TRIM29: variants seen among roughly 807,000 people sequenced by gnomAD.
TRIM29 encodes the protein tripartite motif containing 29.
TRIM29 carries 52 observed loss-of-function variants against 57.3 expected under a neutral mutation model. That is an observed-to-expected ratio of 0.91 (90% confidence interval 0.73 to 1.14). The LOEUF (loss-of-function observed/expected upper bound fraction) is 1.14, where lower values mean the gene tolerates loss of function less well. Among genes scored for constraint, TRIM29 ranks in the 50% most tolerant of loss-of-function variants. TRIM29 has a pLI of 0.00. For missense variants in TRIM29, 753 were observed against 774.6 expected (o/e 0.97, Z 0.33); for synonymous variants, 319 against 316.9 (o/e 1.01, Z -0.07).
Position 120,125,700 on chromosome 11 carries a change from T to C in TRIM29, c.1324A>G (p.Met442Val), listed in dbSNP as rs868270978. The change falls in exon 4 of 9, where the codon ATG (methionine) becomes GTG (valine). Residue 442 changes from methionine to valine, a missense_variant. By Grantham distance (21) the Met-to-Val change is conservative. Transcript: ENST00000341846. ...ACGAGAGGGGACCTACCGTTCTCCA[T>C]GTGGTTCCTCTCAATGAAGTTACGG... ...LSRNFIERNH[M>V]ENGGDHRYVN... 1.2e-6 allele frequency: 2 copies of C among 1,614,146 alleles called. No individual in the cohort carries two copies. The highest frequency in any genetic ancestry group is 1.7e-6 in the Non-Finnish European group (2 of 1,180,024).
chr11:120,115,381 T>C lies in TRIM29; in HGVS notation c.1661A>G (p.Lys554Arg), dbSNP rs1429690478. The part of the protein sequence containing the change: ...YPSLMRSQSP[K>R]AQPQTWKSGK... ...AGATTTCCAAGTCTGGGGCTGGGCC[T>C]TGGGGCTTTGGCTCCGCATGAGGGA... Residue 554 changes from lysine to arginine, a missense_variant, in exon 8 of 9, where the codon AAG (lysine) becomes AGG (arginine). Coordinates refer to ENST00000341846, the MANE Select transcript of TRIM29 (RefSeq NM_012101.4). 5 of 1,613,786 alleles carry C rather than the reference T, an allele frequency of 3.1e-6. No individual in the cohort carries two copies. Among genetic ancestry groups the C allele is most frequent in the South Asian group, 1.1e-5 (1 of 91,022 alleles).
chr11:120,123,189 CCT>C (rs58690893), intron 4 of TRIM29, 134 bp from the exon 5 acceptor site: 670,550 of 742,240 alleles, frequency 0.9, 303,618 homozygotes, highest in African/African-American at 0.98. Flanking sequence ...GTTTCCCCAA[CCT>C]CTCAGAGAAT....
At position 120,126,044 on chromosome 11, in the gene TRIM29, G is replaced by A. The variant is rs181485427; in HGVS notation, c.1135-155C>T. The A allele has an allele frequency of 5.9e-4, 454 of 771,862 alleles. 2 individuals carry two copies. Among genetic ancestry groups the A allele is most frequent in the Non-Finnish European group, 7.8e-4 (384 of 494,898 alleles). 47.8% of individuals were successfully genotyped at this position (771,862 alleles called of 1,614,324 possible). The stretch of plus-strand genomic sequence containing the variant: ...TTTGTTTCTTCTGTAACATGAAAAG[G>A]TTCAACTAAAAGCCACTGGATGCTA... On this transcript the variant is annotated intron_variant, in intron 3 of 8. Coordinates refer to ENST00000341846, the MANE Select transcript of TRIM29 (RefSeq NM_012101.4).
At chr11:120,123,197 AG>A (rs1324727342) in intron 4 of TRIM29, 142 bp from the exon 5 acceptor site, 22 of 728,364 alleles carry the variant, frequency 3.0e-5, no homozygotes, top group Non-Finnish European at 5.2e-5. Flanking sequence ...AACCTCTCAG[AG>A]AATATGACGC....
At chr11:120,113,565 C>G in intron 8 of TRIM29, 1 of 454,668 alleles carries the variant, frequency 2.2e-6, no homozygotes, top group Non-Finnish European at 4.4e-6. Context: ...TTGGCCCTGT[C>G]TCTCAGGGAA....
chr11:120,137,892 C>G lies in TRIM29; in HGVS notation c.140G>C (p.Gly47Ala). The change falls in exon 1 of 9, where the codon GGC becomes GCC. Residue 47 changes from glycine (G) to alanine (A), a missense_variant. Gly to Ala is a moderately conservative substitution (Grantham distance 60). Coordinates refer to ENST00000341846, the MANE Select transcript of TRIM29 (RefSeq NM_012101.4). This position sits in a 1 kb window ranked among gnomAD's most constrained non-coding sequence, Gnocchi z 6.2. ...GKDAKTTNGH[G>A]GEAAEGKSLG... ...GCTCTTGCCCTCAGCTGCCTCCCCG[C>G]CGTGCCCGTTGGTGGTCTTGGCATC... is the stretch of plus-strand genomic sequence containing the variant. 4 of 1,611,246 alleles carry G rather than the reference C, an allele frequency of 2.5e-6. No homozygotes were observed. The highest frequency in any genetic ancestry group is 3.4e-6 in the Non-Finnish European group (4 of 1,180,020).
At chr11:120,129,147 G>A (rs1415852233) in intron 1 of TRIM29, among the ~76,000 whole-genome samples, 1 of 152,150 alleles carries the variant, frequency 6.6e-6, no homozygotes, top group African/African-American at 2.4e-5. Context: ...GAGGTTGTAG[G>A]GACCCCTGCT....
chr11:120,115,484 C>T (rs957555587), intron 7 of TRIM29, 70 bp from the exon 8 acceptor site: 4 of 1,345,116 alleles, frequency 3.0e-6, no homozygotes, highest in Non-Finnish European at 4.2e-6. Context: ...CCCAGAGCAG[C>T]ACAGCTGCCT....
Position 120,137,654 on chromosome 11 carries a change from C to G in TRIM29, c.378G>C (p.Glu126Asp), listed in dbSNP as rs760126772. The G allele has an allele frequency of 6.2e-7, 1 of 1,613,758 alleles. No homozygotes were observed. Among genetic ancestry groups the G allele is most frequent in the South Asian group, 1.1e-5 (1 of 91,064 alleles). Residue 126 changes from glutamate (E) to aspartate (D), a missense_variant, in exon 1 of 9, where the codon GAG becomes GAC. By Grantham distance (45) the Glu-to-Asp change is conservative. Coordinates refer to ENST00000341846, the MANE Select transcript of TRIM29 (RefSeq NM_012101.4). This position sits in a 1 kb window ranked among gnomAD's most constrained non-coding sequence, Gnocchi z 6.2. ...KPPVTFAEKG[E>D]LRKSIFSESR... ...ACTCCGAGAAAATGGACTTGCGCAG[C>G]TCGCCCTTTTCGGCAAAGGTAACGG...
chr11:120,126,334 G>C (rs1412332266), intron 3 of TRIM29: 1 of 155,560 alleles, frequency 6.4e-6, no homozygotes, highest in African/African-American at 2.4e-5. Flanking sequence ...CCGTCTTTTG[G>C]GTTCAAGCAA....
Position 120,137,615 on chromosome 11 carries a change from C to A in TRIM29, c.417G>T (p.Thr139=), listed in dbSNP as rs768295892. The A allele has an allele frequency of 6.2e-7, 1 of 1,613,432 alleles. No homozygotes were observed. The highest frequency in any genetic ancestry group is 1.3e-5 in the African/African-American group (1 of 74,904). ...KSIFSESRKP[T]VSIMEPGETR... is the part of the protein sequence containing the mutation. ...TCTCCCCGGGCTCCATGATGGACAC[C>A]GTGGGCTTCCGGGACTCCGAGAAAA... Residue 139 remains threonine, a synonymous_variant, in exon 1 of 9, where the codon ACG becomes ACT. Coordinates refer to ENST00000341846, the MANE Select transcript of TRIM29 (RefSeq NM_012101.4). The surrounding 1 kb of genome is among the most constrained non-coding windows in gnomAD (Gnocchi z 6.2).
intron 3 of TRIM29, chr11:120,126,162 G>A (rs771861600): frequency 2.1e-5 from 9 of 420,524 alleles, no homozygotes; most frequent in Non-Finnish European, 3.4e-5. Flanking sequence ...GTTTATGAGA[G>A]GGACACAAAC....
intron 5 of TRIM29, chr11:120,121,910 G>A (rs1213266859): frequency 2.2e-6 from 1 of 444,558 alleles, no homozygotes; most frequent in Non-Finnish European, 4.6e-6. Flanking sequence ...GAGGGGTGCT[G>A]GGGCCGGCAC....
intron 5 of TRIM29, chr11:120,121,505 C>T (rs1385271046): frequency 6.4e-6 from 1 of 155,456 alleles, no homozygotes; most frequent in African/African-American, 2.4e-5. Context: ...CCCTCCTGTC[C>T]TCGGCACAGG....
intron 5 of TRIM29, chr11:120,120,941 G>T (rs550638086): frequency 1.4e-5 from 7 of 515,538 alleles, no homozygotes; most frequent in Non-Finnish European, 2.6e-5. Flanking sequence ...TCTCAGCCAC[G>T]TGAGGGTGGG....
At chr11:120,119,058 C>T (rs966750093) in intron 6 of TRIM29, among the ~76,000 whole-genome samples, 3 of 152,128 alleles carry the variant, frequency 2.0e-5, no homozygotes, top group South Asian at 2.1e-4. Context: ...AACCAACGAA[C>T]GAATGAATAC....
intron 1 of TRIM29, among the ~76,000 whole-genome samples, chr11:120,130,544 G>A (rs563254191): frequency 9.1e-4 from 139 of 152,336 alleles, no homozygotes; most frequent in African/African-American, 3.3e-3. Context: ...AGGACAGCAG[G>A]TGCCTCTGAA....
In TRIM29 at chr11:120,127,374, G is replaced by T. The variant is rs753252195; in HGVS notation, c.1096C>A (p.Gln366Lys). 1 of 1,614,132 alleles carries T rather than the reference G, an allele frequency of 6.2e-7. No individual in the cohort carries two copies. The highest frequency in any genetic ancestry group is 8.5e-7 in the Non-Finnish European group (1 of 1,180,022). Residue 366 changes from glutamine to lysine, a missense_variant, in exon 3 of 9, where the codon CAG (glutamine) becomes AAG (lysine). Physicochemically the swap from Gln to Lys is moderately conservative, Grantham distance 53. Transcript: ENST00000341846. Reference protein sequence around the residue: ...VLHEDKQTREQLHSISDSVLF... With the variant: ...VLHEDKQTREKLHSISDSVLF... ...ACAGAGTCGCTGATGCTATGCAGCT[G>T]CTCCCGGGTCTGCTTGTCCTCATGC...
intron 1 of TRIM29, among the ~76,000 whole-genome samples, chr11:120,133,956 C>G (rs577925079): frequency 7.9e-5 from 12 of 152,162 alleles, no homozygotes; most frequent in Non-Finnish European, 1.2e-4. Flanking sequence ...CAGGGCCCCC[C>G]AAGAGCAGCC....
Sources: allele counts gnomAD v4.1 joint callset (sites outside exome capture counted in the v4.1 genomes callset), GRCh38; gene constraint gnomAD v4.1.1; non-coding constraint Gnocchi (gnomAD v3.1); transcripts MANE v1.5; gene names NCBI Gene and HGNC (gene_info 2026-07-23, HGNC 2026-07-21).